Variants in RB1 observed in about 807,000 individuals in gnomAD.
The protein encoded by RB1 is retinoblastoma-associated protein.
In RB1, 18 loss-of-function variants were observed where a neutral mutation model predicts 135.4. That is an observed-to-expected ratio of 0.13 (90% confidence interval 0.09 to 0.20). RB1 has a LOEUF of 0.20. Among genes scored for constraint, RB1 ranks in the 10% least tolerant of loss-of-function variants. RB1 has a pLI of 1.00. For missense variants in RB1, 868 were observed against 1,110.0 expected (o/e 0.78, Z 3.10); for synonymous variants, 365 against 373.2 (o/e 0.98, Z 0.25).
At chr13:48,388,149 TAAAAC>T (rs1268048759) in intron 17 of RB1, among the ~76,000 whole-genome samples, 1 of 152,222 alleles carries the variant, frequency 6.6e-6, no homozygotes, top group Non-Finnish European at 1.5e-5. Context: ...GTAAAGTACT[TAAAAC>T]AATATCTGAC....
chr13:48,318,229 A>C (rs1022547478), intron 2 of RB1: 2 of 655,490 alleles, frequency 3.1e-6, no homozygotes, highest in Non-Finnish European at 5.2e-6. Flanking sequence ...TTGGACTTGG[A>C]GAGTCAGCTA....
chr13:48,476,805 A>T lies in RB1; in HGVS notation c.2625A>T (p.Leu875=), dbSNP rs774463152. The change falls in exon 25 of 27, where the codon CTA becomes CTT. Residue 875 remains leucine (L), a synonymous_variant. Coordinates refer to ENST00000267163, the MANE Select transcript of RB1 (RefSeq NM_000321.3). ...ACCCTCCTAAACCACTGAAAAAACT[A>T]CGCTTTGATATTGAAGGATCAGATG... ...GSNPPKPLKK[L]RFDIEGSDEA... The T allele has an allele frequency of 6.2e-7, 1 of 1,613,754 alleles. No homozygotes were observed. The highest frequency in any genetic ancestry group is 8.5e-7 in the Non-Finnish European group (1 of 1,179,704).
Position 48,473,360 on chromosome 13 carries a change from A to G in RB1, c.2490A>G (p.Arg830=), listed in dbSNP as rs2138354594. ...TTGGTATTTCATCTTAACTTGACAG[A>G]ATCTTAGTATCAATTGGTGAATCAT... The part of the protein sequence containing the change: ...PTPTKMTPRS[R]ILVSIGESFG... Residue 830 remains arginine, a splice_region_variant and synonymous_variant, in exon 24 of 27, where the codon AGA becomes AGG. Transcript: ENST00000267163. 6.3e-7 allele frequency: 1 copy of G among 1,575,592 alleles called. No homozygotes were observed. The highest frequency in any genetic ancestry group is 8.7e-7 in the Non-Finnish European group (1 of 1,146,438).
In RB1 at chr13:48,481,657, TCAAGGGC is replaced by T; in HGVS notation, c.*1587_*1593del. On this transcript the variant is annotated 3_prime_UTR_variant, in exon 27 of 27. Transcript: ENST00000267163. ...TCATACAAATCAGTTAGTTTTTAGGTCAAGGGCTTACTATTTCTGGGTCTTTTGCTAC... is the reference window on the plus strand; with the variant it reads ...TCATACAAATCAGTTAGTTTTTAGGTTTACTATTTCTGGGTCTTTTGCTAC... The T allele has an allele frequency of 4.3e-6, 1 of 231,218 alleles. No individual in the cohort carries two copies. The highest frequency in any genetic ancestry group is 8.6e-6 in the Non-Finnish European group (1 of 116,606). The allele number at this position is 231,218 out of a possible 1,614,324, so 14.3% of individuals were successfully genotyped here. A position where few individuals can be genotyped will look rare whatever the true frequency, so the allele number is the denominator to read the frequency against.
intron 17 of RB1, among the ~76,000 whole-genome samples, chr13:48,431,356 C>G (rs1566223911): frequency 6.6e-6 from 1 of 152,066 alleles, no homozygotes. Context: ...AGGACTAGTG[C>G]TATGAACATT....
intron 18 of RB1, among the ~76,000 whole-genome samples, chr13:48,454,588 C>G (rs1364632893): frequency 6.6e-6 from 1 of 152,106 alleles, no homozygotes; most frequent in East Asian, 1.9e-4. Flanking sequence ...AGGCAATGAA[C>G]AAGTAAACCA....
chr13:48,319,430 C>A lies in RB1; in HGVS notation c.264+12024C>A. 1 of 366,636 alleles carries A rather than the reference C, an allele frequency of 2.7e-6. No homozygotes were observed. Among genetic ancestry groups the A allele is most frequent in the Non-Finnish European group, 5.1e-6 (1 of 195,098 alleles). 22.7% of individuals were successfully genotyped at this position (366,636 alleles called of 1,614,324 possible). ...AGTCTGACGCCTCGGGCGCCTGCGC[C>A]GCACTTGTGACTTGCTTTCCCCTTC... is the stretch of plus-strand genomic sequence containing the variant. On this transcript the variant is annotated intron_variant, in intron 2 of 26. Transcript: ENST00000267163. The surrounding 1 kb of genome is among the most constrained non-coding windows in gnomAD (Gnocchi z 5.0).
chr13:48,327,344 T>C (rs897032498), intron 2 of RB1, among the ~76,000 whole-genome samples: 2 of 152,118 alleles, frequency 1.3e-5, no homozygotes, highest in Non-Finnish European at 2.9e-5. Flanking sequence ...AACTAGCTAA[T>C]AAACAAAAAA....
chr13:48,331,356 T>C (rs1430067898), intron 2 of RB1, among the ~76,000 whole-genome samples: 7 of 152,336 alleles, frequency 4.6e-5, no homozygotes, highest in South Asian at 4.1e-4. Context: ...TGTTGAAACT[T>C]AATTCCCAAT....
chr13:48,461,832 A>T (rs964503757), intron 20 of RB1, among the ~76,000 whole-genome samples: 2 of 151,528 alleles, frequency 1.3e-5, no homozygotes, highest in African/African-American at 2.4e-5. Context: ...TTTATTTTTT[A>T]TTTATTTTTT....
intron 17 of RB1, among the ~76,000 whole-genome samples, chr13:48,381,867 C>T (rs1406514093): frequency 6.7e-6 from 1 of 148,242 alleles, no homozygotes; most frequent in African/African-American, 2.5e-5. Flanking sequence ...CATGACAGGC[C>T]CCAGTGTGTG....
intron 17 of RB1, among the ~76,000 whole-genome samples, chr13:48,392,141 C>G (rs902087499): frequency 6.6e-6 from 1 of 151,824 alleles, no homozygotes; most frequent in African/African-American, 2.4e-5. Flanking sequence ...GATGAAGCCT[C>G]GCTCTTTTGC....
chr13:48,304,161 G>T lies in RB1; in HGVS notation c.137+112G>T, dbSNP rs569133870. On this transcript the variant is annotated intron_variant, in intron 1 of 26. Transcript: ENST00000267163. ...CCGTCCTCGCCAGGGGCCGGGTCCCGGCGGGAGGAGGCGCCCTCCCTGCCC... is the reference window on the plus strand; with the variant it reads ...CCGTCCTCGCCAGGGGCCGGGTCCCTGCGGGAGGAGGCGCCCTCCCTGCCC... The T allele has an allele frequency of 5.0e-5, 58 of 1,155,488 alleles. 1 individual carries two copies. The East Asian group carries it at 1.7e-3, about 33-fold the overall frequency. The allele number at this position is 1,155,488 out of a possible 1,614,324, so 71.6% of individuals were successfully genotyped here.
At chr13:48,473,830 C>T (rs1166695555) in intron 24 of RB1, among the ~76,000 whole-genome samples, 1 of 152,096 alleles carries the variant, frequency 6.6e-6, no homozygotes, top group Non-Finnish European at 1.5e-5. Context: ...CTCAGTCCCA[C>T]AAAAATGGTC....
chr13:48,362,770 A>C (rs1275402633), intron 7 of RB1, 45 bp from the exon 8 acceptor site: 1 of 1,571,810 alleles, frequency 6.4e-7, no homozygotes. Context: ...ATTATTTTAT[A>C]TGATGGATGT....
chr13:48,318,198 G>T, intron 2 of RB1: 1 of 586,116 alleles, frequency 1.7e-6, no homozygotes, highest in Non-Finnish European at 3.0e-6. Flanking sequence ...TTTGTTCCCT[G>T]GACCCTCGCC....
chr13:48,337,509 T>A (rs1566184415), intron 2 of RB1, among the ~76,000 whole-genome samples: 1 of 152,184 alleles, frequency 6.6e-6, no homozygotes, highest in Non-Finnish European at 1.5e-5. Context: ...AACCCCTGCC[T>A]TTTTTTGTTT....
In RB1 at chr13:48,359,859, A is replaced by AT. The variant is rs547128110; in HGVS notation, c.608-144dup. On this transcript the variant is annotated intron_variant, in intron 6 of 26. Transcript: ENST00000267163. Reference sequence around the variant, plus strand: ...ACATATTTTATACCTTTTAAAACAGATTTTTTTTTTTTTTACAAAAAAAAG... The same window carrying AT: ...ACATATTTTATACCTTTTAAAACAGATTTTTTTTTTTTTTTACAAAAAAAAG... Among the ~76,000 whole-genome samples the AT allele has an allele frequency of 0.017, 2,486 of 143,476 alleles. 71 individuals are homozygous for AT. Among genetic ancestry groups the AT allele is most frequent in the African/African-American group, 0.055 (2,194 of 39,552 alleles). 94.1% of individuals were successfully genotyped at this position (143,476 alleles called of 152,430 possible).
chr13:48,400,920 G>A (rs1241057109), intron 17 of RB1, among the ~76,000 whole-genome samples: 1 of 152,062 alleles, frequency 6.6e-6, no homozygotes, highest in Non-Finnish European at 1.5e-5. Flanking sequence ...TAAGTACAGA[G>A]AATTTTTCTC....
Sources: gnomAD v4.1 joint callset for allele counts (sites outside exome capture counted in the v4.1 genomes callset) on GRCh38, gnomAD v4.1.1 for gene constraint, Gnocchi (gnomAD v3.1) non-coding constraint, MANE v1.5 for transcripts, NCBI Gene and HGNC (gene_info 2026-07-23, HGNC 2026-07-21) for gene names.